LINGO2: variants seen among roughly 807,000 people sequenced by gnomAD.
LINGO2 encodes leucine rich repeat and Ig domain containing 2.
A neutral mutation model predicts 30.6 loss-of-function variants in LINGO2; 14 were observed. The ratio of observed to expected loss-of-function variants is 0.46; its 90% confidence interval spans 0.30 to 0.72. The LOEUF is 0.72. LINGO2 is among the 30% of genes least tolerant of loss of function. LINGO2 has a pLI of 0.07. For missense variants in LINGO2, 729 were observed against 751.7 expected, an observed-to-expected ratio of 0.97 and a Z score of 0.35; for synonymous variants, 317 against 288.5, an observed-to-expected ratio of 1.10 and a Z score of -1.00.
chr9:29,184,036 A>G, the LINGO2 span, among the ~76,000 whole-genome samples: 2 of 152,214 alleles, frequency 1.3e-5, no homozygotes, highest in Non-Finnish European at 1.5e-5. Context: ...ATTGCAGTGA[A>G]GGAACACGCT....
the LINGO2 span, among the ~76,000 whole-genome samples, chr9:29,106,648 T>C: frequency 3.9e-5 from 6 of 152,172 alleles, no homozygotes; most frequent in Non-Finnish European, 7.4e-5. Flanking sequence ...ACAGAGTTTA[T>C]TATACTTCTT....
At chr9:28,710,996 C>G in the LINGO2 span, among the ~76,000 whole-genome samples, 2 of 151,964 alleles carry the variant, frequency 1.3e-5, no homozygotes, top group Non-Finnish European at 2.9e-5. Context: ...GCTCTGCAGA[C>G]AGACAGATCT....
chr9:28,608,660 AG>A (rs1825790796), intron 1 of LINGO2, among the ~76,000 whole-genome samples: 1 of 151,930 alleles, frequency 6.6e-6, no homozygotes, highest in African/African-American at 2.4e-5. Flanking sequence ...ATTGTAGGGT[AG>A]GTCTTTTCCA....
At chr9:27,999,983 G>A (rs1011044618) in intron 5 of LINGO2, among the ~76,000 whole-genome samples, 1 of 152,116 alleles carries the variant, frequency 6.6e-6, no homozygotes, top group African/African-American at 2.4e-5. Flanking sequence ...TCAAATAATT[G>A]TTGTTACGGT....
chr9:28,219,459 T>C (rs1188921161), intron 4 of LINGO2, among the ~76,000 whole-genome samples: 2 of 152,270 alleles, frequency 1.3e-5, no homozygotes, highest in East Asian at 3.9e-4. Context: ...CCAAGTAAAA[T>C]TTCATATTAT....
intron 1 of LINGO2, among the ~76,000 whole-genome samples, chr9:28,585,279 G>A (rs1824472454): frequency 6.6e-6 from 1 of 151,930 alleles, no homozygotes; most frequent in South Asian, 2.1e-4. Flanking sequence ...CAACCCTAAG[G>A]AGCATGACCA....
the LINGO2 span, among the ~76,000 whole-genome samples, chr9:28,813,138 AG>A: frequency 0.03 from 4,500 of 151,540 alleles, 228 homozygotes; most frequent in African/African-American, 0.099. Flanking sequence ...CCAGATTTTG[AG>A]GTATTTCTTC....
chr9:28,611,849 C>A (rs1328658211), intron 1 of LINGO2, among the ~76,000 whole-genome samples: 1 of 151,274 alleles, frequency 6.6e-6, no homozygotes, highest in Non-Finnish European at 1.5e-5. Context: ...GAGACAGAGT[C>A]ACGCTCTGTC....
At chr9:28,980,054 A>C in the LINGO2 span, among the ~76,000 whole-genome samples, 1 of 152,128 alleles carries the variant, frequency 6.6e-6, no homozygotes, top group South Asian at 2.1e-4. Context: ...TGCTCCTCCC[A>C]ACCCAGTCTG....
chr9:28,221,096 G>A (rs1373263234), intron 4 of LINGO2, among the ~76,000 whole-genome samples: 2 of 151,900 alleles, frequency 1.3e-5, no homozygotes, highest in Admixed American at 6.6e-5. Flanking sequence ...TCAGGAGATC[G>A]AAACCATCCT....
chr9:29,057,049 T>A, the LINGO2 span, among the ~76,000 whole-genome samples: 4 of 152,204 alleles, frequency 2.6e-5, no homozygotes, highest in African/African-American at 9.6e-5. Context: ...TTGTTTAGTC[T>A]TGCTTTGGCT....
chr9:27,969,643 G>C (rs1820261859), intron 5 of LINGO2, among the ~76,000 whole-genome samples: 1 of 152,084 alleles, frequency 6.6e-6, no homozygotes, highest in Admixed American at 6.6e-5. Context: ...GCAAAGAAGT[G>C]ATAGAAAGGG....
At chr9:28,946,403 C>T in the LINGO2 span, among the ~76,000 whole-genome samples, 8 of 152,106 alleles carry the variant, frequency 5.3e-5, no homozygotes, top group African/African-American at 1.7e-4. Context: ...TTTAAAGATG[C>T]TTGAATTGAA....
chr9:28,493,676 G>A (rs1428564928), intron 1 of LINGO2, among the ~76,000 whole-genome samples: 2 of 152,118 alleles, frequency 1.3e-5, no homozygotes, highest in Non-Finnish European at 2.9e-5. Context: ...GCAAAATTTT[G>A]TCCCTAGGTG....
intron 3 of LINGO2, among the ~76,000 whole-genome samples, chr9:28,313,817 T>C (rs1315164827): frequency 6.6e-6 from 1 of 152,174 alleles, no homozygotes; most frequent in Admixed American, 6.5e-5. Flanking sequence ...TATTAGTTAG[T>C]TTGATGGTAC....
chr9:28,643,505 C>A (rs1563887953), intron 1 of LINGO2, among the ~76,000 whole-genome samples: 1 of 151,938 alleles, frequency 6.6e-6, no homozygotes, highest in African/African-American at 2.4e-5. Flanking sequence ...AAAAGTAGAA[C>A]ATTATCTCTC....
At chr9:28,676,266 A>T in the LINGO2 span, among the ~76,000 whole-genome samples, 1 of 152,032 alleles carries the variant, frequency 6.6e-6, no homozygotes, top group African/African-American at 2.4e-5. Flanking sequence ...AATTAGCTAT[A>T]CCATTCGCTG....
chr9:28,416,728 T>A (rs1822980969), intron 2 of LINGO2, among the ~76,000 whole-genome samples: 1 of 152,236 alleles, frequency 6.6e-6, no homozygotes, highest in Middle Eastern at 3.4e-3. Flanking sequence ...TCAAAAGCAA[T>A]GAACAGTGGA....
At chr9:28,532,922 TC>T (rs1252870793) in intron 1 of LINGO2, among the ~76,000 whole-genome samples, 1 of 152,086 alleles carries the variant, frequency 6.6e-6, no homozygotes, top group African/African-American at 2.4e-5. Context: ...CACAAGGCAA[TC>T]CTTTGCACCC....
Sources: gnomAD v4.1 joint callset for allele counts (sites outside exome capture counted in the v4.1 genomes callset) on GRCh38, gnomAD v4.1.1 for gene constraint, MANE v1.5 for transcripts, NCBI Gene and HGNC (gene_info 2026-07-23, HGNC 2026-07-21) for gene names.